IRAK2: variants seen among roughly 807,000 people sequenced by gnomAD.
IRAK2 encodes the protein interleukin-1 receptor-associated kinase-like 2.
A neutral mutation model predicts 72.0 loss-of-function variants in IRAK2; 57 were observed. The ratio of observed to expected loss-of-function variants is 0.79; its 90% CI spans 0.64 to 0.99. The LOEUF (loss-of-function observed/expected upper bound fraction) is 0.99, where lower values mean the gene tolerates loss of function less well. Among genes scored for constraint, IRAK2 ranks in the 50% least tolerant of loss-of-function variants. IRAK2 has a pLI of 0.00. For synonymous variants in IRAK2, 293 were observed against 312.7 expected (o/e 0.94, Z 0.67); for missense variants, 790 against 794.4 (o/e 0.99, Z 0.07).
chr3:10,173,038 C>G (rs1268698521), intron 1 of IRAK2, among the ~76,000 whole-genome samples: 1 of 151,894 alleles, frequency 6.6e-6, no homozygotes, highest in Non-Finnish European at 1.5e-5. Context: ...ACAGCTAATA[C>G]TTATATCATG....
chr3:10,184,806 T>TG (rs1697023294), intron 2 of IRAK2, among the ~76,000 whole-genome samples: 2 of 142,526 alleles, frequency 1.4e-5, no homozygotes. Flanking sequence ...CTCGGCTCAC[T>TG]GCAAGCTCCG....
rs79372083 is a variant in IRAK2, at chr3:10,194,085, C to T, written c.278-6284C>T. On this transcript the variant is annotated intron_variant, in intron 2 of 12. Coordinates refer to ENST00000256458, the MANE Select transcript of IRAK2 (RefSeq NM_001570.4). ...CAGTGTTGTGGGCCCCTGCCCTGGG[C>T]CAGCCACTTCACATTTGTCATCATG... Among the ~76,000 whole-genome samples, 714 of 152,394 alleles carry T rather than the reference C, an allele frequency of 4.7e-3. 26 individuals carry two copies. The South Asian group carries it at 0.083, about 18-fold the overall frequency.
intron 1 of IRAK2, among the ~76,000 whole-genome samples, chr3:10,166,960 G>A (rs1696702498): frequency 6.6e-6 from 1 of 152,094 alleles, no homozygotes; most frequent in Non-Finnish European, 1.5e-5. Context: ...TCACTACTTT[G>A]AATGTTTCCT....
In IRAK2 at chr3:10,237,929, CTGTGTG is replaced by C. The variant is rs138639711; in HGVS notation, c.1474-786_1474-781del. On this transcript the variant is annotated intron_variant, in intron 11 of 12. Transcript: ENST00000256458. ...GGGTATAAGGGTATGTATGTGTGCT[CTGTGTG>C]TGTGTGTGTGTGTGTGTGTGTGTGT... 8.7e-4 allele frequency among the ~76,000 whole-genome samples: 120 copies of C among 138,328 alleles called. 1 individual carries two copies. The highest frequency in any genetic ancestry group is 2.1e-3 in the African/African-American group (77 of 37,008). 90.7% of individuals were successfully genotyped at this position (138,328 alleles called of 152,430 possible). A position where few individuals can be genotyped will look rare whatever the true frequency, so the allele number is the denominator to read the frequency against.
chr3:10,238,720 G>A (rs377094240), intron 11 of IRAK2, 28 bp from the exon 12 acceptor site: 1 of 1,601,792 alleles, frequency 6.2e-7, no homozygotes, highest in Non-Finnish European at 8.5e-7. Flanking sequence ...AATTCCTGAT[G>A]AGCTCCCTTC....
At chr3:10,230,252 C>T (rs1697838053) in intron 10 of IRAK2, among the ~76,000 whole-genome samples, 1 of 151,974 alleles carries the variant, frequency 6.6e-6, no homozygotes, top group African/African-American at 2.4e-5. Flanking sequence ...CACATATTTT[C>T]TTCTCTATAA....
At chr3:10,222,910 C>T (rs1018161060) in intron 9 of IRAK2, 79 bp downstream of exon 9, 14 of 1,282,164 alleles carry the variant, frequency 1.1e-5, no homozygotes, top group African/African-American at 1.5e-5. Context: ...TCACAGGATA[C>T]GGTAGAGGCA....
At chr3:10,182,498 G>C (rs1201756959) in intron 2 of IRAK2, among the ~76,000 whole-genome samples, 2 of 150,572 alleles carry the variant, frequency 1.3e-5, no homozygotes, top group Non-Finnish European at 3.0e-5. Context: ...AGCCAGGATG[G>C]TCTCGATCTC....
chr3:10,225,586 A>G (rs1374679019), intron 9 of IRAK2, among the ~76,000 whole-genome samples: 1 of 152,188 alleles, frequency 6.6e-6, no homozygotes, highest in Non-Finnish European at 1.5e-5. Context: ...TGAGTGAAAC[A>G]TGCTATGGAT....
At chr3:10,181,181 C>T (rs1244431971) in intron 2 of IRAK2, among the ~76,000 whole-genome samples, 1 of 152,150 alleles carries the variant, frequency 6.6e-6, no homozygotes, top group African/African-American at 2.4e-5. Flanking sequence ...CTGCCCAGGC[C>T]ACAGCCTCCC....
At chr3:10,232,856 G>A (rs1326103395) in intron 10 of IRAK2, among the ~76,000 whole-genome samples, 1 of 151,998 alleles carries the variant, frequency 6.6e-6, no homozygotes, top group Non-Finnish European at 1.5e-5. Flanking sequence ...TTGAGCCCAG[G>A]AGTTCAAGAC....
At position 10,166,022 on chromosome 3, in the gene IRAK2, C is replaced by T. The variant is rs570583418; in HGVS notation, c.94+974C>T. 8.6e-4 allele frequency among the ~76,000 whole-genome samples: 131 copies of T among 152,090 alleles called. 1 individual carries two copies. The highest frequency in any genetic ancestry group is 1.5e-5 in the Non-Finnish European group (1 of 67,970). On this transcript the variant is annotated intron_variant, in intron 1 of 12. Coordinates refer to ENST00000256458, the MANE Select transcript of IRAK2 (RefSeq NM_001570.4). The stretch of plus-strand genomic sequence containing the variant: ...GGGATTACAGGCATGAGCCACCGCG[C>T]CCGGCCTCCGGAACTCTTGATCTCA...
intron 4 of IRAK2, among the ~76,000 whole-genome samples, chr3:10,210,147 C>T (rs1697496640): frequency 6.6e-6 from 1 of 152,162 alleles, no homozygotes; most frequent in Non-Finnish European, 1.5e-5. Flanking sequence ...TCTCGAACTC[C>T]TGACGTCAGG....
At chr3:10,234,684 G>A (rs1175208550) in intron 11 of IRAK2, 25 bp downstream of exon 11, 1 of 1,600,912 alleles carries the variant, frequency 6.2e-7, no homozygotes, top group African/African-American at 1.3e-5. Flanking sequence ...CAGCGGCCTC[G>A]CTGCCTGGGC....
intron 3 of IRAK2, among the ~76,000 whole-genome samples, chr3:10,202,254 G>A (rs770562332): frequency 2.0e-5 from 3 of 152,190 alleles, no homozygotes; most frequent in Admixed American, 6.5e-5. Flanking sequence ...TTGTAGGGGC[G>A]TGCTGGTCAG....
At chr3:10,167,015 A>G (rs1358497254) in intron 1 of IRAK2, among the ~76,000 whole-genome samples, 1 of 151,978 alleles carries the variant, frequency 6.6e-6, no homozygotes, top group Non-Finnish European at 1.5e-5. Context: ...CATTTTTTCC[A>G]CATTGGCCCA....
chr3:10,214,173 T>C (rs1697567226), intron 6 of IRAK2, among the ~76,000 whole-genome samples: 1 of 151,966 alleles, frequency 6.6e-6, no homozygotes. Flanking sequence ...AAGTGATCTT[T>C]CTGCTTTGGC....
intron 7 of IRAK2, among the ~76,000 whole-genome samples, chr3:10,218,628 T>A (rs1315137224): frequency 6.6e-6 from 1 of 152,068 alleles, no homozygotes; most frequent in Admixed American, 6.6e-5. Flanking sequence ...TCCTCTCCCA[T>A]CCAGCTTCTT....
At chr3:10,215,566 T>C (rs1214017651) in intron 6 of IRAK2, among the ~76,000 whole-genome samples, 1 of 152,130 alleles carries the variant, frequency 6.6e-6, no homozygotes, top group African/African-American at 2.4e-5. Flanking sequence ...AAACTTTTTT[T>C]GTAGAGACAC....
Sources: allele counts gnomAD v4.1 joint callset (sites outside exome capture counted in the v4.1 genomes callset), GRCh38; gene constraint gnomAD v4.1.1; transcripts MANE v1.5; gene names NCBI Gene and HGNC (gene_info 2026-07-23, HGNC 2026-07-21).